Variants in ZNF98 observed in about 807,000 individuals in gnomAD.
ZNF98 encodes the protein zinc finger protein 739.
Under a neutral mutation model 12.8 loss-of-function variants are expected in ZNF98, and 8 were observed. That is an observed-to-expected ratio of 0.63 (90% CI 0.37 to 1.13). The LOEUF (loss-of-function observed/expected upper bound fraction) is 1.13, where lower values mean the gene tolerates loss of function less well. Ranked by LOEUF, ZNF98 falls within the 50% of genes most tolerant of loss-of-function variation. The pLI is 0.01. For synonymous variants in ZNF98, 112 were observed against 223.5 expected (o/e 0.50, Z 4.45); for missense variants, 379 against 666.1 (o/e 0.57, Z 4.74).
At chr19:22,418,683 A>T (rs912863597) in intron 1 of ZNF98, among the ~76,000 whole-genome samples, 1 of 152,198 alleles carries the variant, frequency 6.6e-6, no homozygotes, top group African/African-American at 2.4e-5. Context: ...GTTCGAGAGC[A>T]GCCTGGCCAA....
intron 1 of ZNF98, among the ~76,000 whole-genome samples, chr19:22,407,237 A>C (rs1180639337): frequency 6.6e-6 from 1 of 151,728 alleles, no homozygotes; most frequent in African/African-American, 2.4e-5. Context: ...TTCTACGTTT[A>C]GTAGAGATAG....
At chr19:22,407,084 T>A (rs897594391) in intron 1 of ZNF98, among the ~76,000 whole-genome samples, 15 of 151,578 alleles carry the variant, frequency 9.9e-5, no homozygotes, top group Non-Finnish European at 2.1e-4. Context: ...TTAGACAGAG[T>A]CTCACTCTGT....
intron 1 of ZNF98, among the ~76,000 whole-genome samples, chr19:22,413,794 G>A (rs560524895): frequency 3.3e-5 from 5 of 150,578 alleles, no homozygotes; most frequent in African/African-American, 4.9e-5. Flanking sequence ...GCTTGAACCC[G>A]GGAGGCAGAG....
chr19:22,416,971 T>C (rs1172086403), intron 1 of ZNF98, among the ~76,000 whole-genome samples: 1 of 152,100 alleles, frequency 6.6e-6, no homozygotes, highest in Non-Finnish European at 1.5e-5. Flanking sequence ...GGCTCACGCC[T>C]GTAATCCCAA....
intron 1 of ZNF98, among the ~76,000 whole-genome samples, chr19:22,417,639 G>A (rs1248270940): frequency 6.6e-6 from 1 of 152,090 alleles, no homozygotes; most frequent in Admixed American, 6.6e-5. Context: ...CTCAGTTGGT[G>A]GGGAAAACAG....
At chr19:22,398,410 A>C (rs1969420861) in intron 3 of ZNF98, among the ~76,000 whole-genome samples, 4 of 151,428 alleles carry the variant, frequency 2.6e-5, no homozygotes, top group Non-Finnish European at 2.9e-5. Flanking sequence ...TCTGTCACCC[A>C]AGCTGGGGTG....
chr19:22,398,613 C>A (rs752685606), intron 3 of ZNF98, among the ~76,000 whole-genome samples: 5 of 152,154 alleles, frequency 3.3e-5, no homozygotes, highest in South Asian at 2.1e-4. Flanking sequence ...CCTTGGCCTC[C>A]CAAAATCCGG....
intron 1 of ZNF98, among the ~76,000 whole-genome samples, chr19:22,405,979 T>G (rs1306301791): frequency 6.6e-6 from 1 of 152,140 alleles, no homozygotes; most frequent in Non-Finnish European, 1.5e-5. Flanking sequence ...TCCCTGGGCC[T>G]GAGTCCCTAA....
At chr19:22,417,197 C>A (rs1380810716) in intron 1 of ZNF98, among the ~76,000 whole-genome samples, 4 of 137,712 alleles carry the variant, frequency 2.9e-5, no homozygotes, top group Non-Finnish European at 4.5e-5. Context: ...CCATCGCACT[C>A]CAGCTTGGGC....
At chr19:22,393,211 C>T (rs1260205706) in intron 3 of ZNF98, among the ~76,000 whole-genome samples, 4 of 152,120 alleles carry the variant, frequency 2.6e-5, no homozygotes, top group Admixed American at 2.6e-4. Context: ...ATGCAAAGAG[C>T]CACACAGAAG....
At chr19:22,420,118 G>A (rs139671095) in intron 1 of ZNF98, among the ~76,000 whole-genome samples, 43 of 152,194 alleles carry the variant, frequency 2.8e-4, no homozygotes, top group African/African-American at 9.9e-4. Flanking sequence ...AACCAAGATC[G>A]CGCCACTGCA....
rs1969450924 is a variant in ZNF98 at position 22,401,076 on chromosome 19, C to G, written c.253+1713G>C. On this transcript the variant is annotated intron_variant, in intron 3 of 3. Transcript: ENST00000357774. ...CCCATTCTCAATGCTTCTATTTTAA[C>G]ACAGCACTGGAAGTATGTGGAATAA... is the stretch of plus-strand genomic sequence containing the variant. Among the ~76,000 whole-genome samples, 4 of 142,184 alleles carry G rather than the reference C, an allele frequency of 2.8e-5. No individual in the cohort carries two copies. The South Asian group carries it at 8.7e-4, about 31-fold the overall frequency. 93.3% of individuals were successfully genotyped at this position (142,184 alleles called of 152,430 possible).
Position 22,422,265 on chromosome 19 carries a change from C to G in ZNF98, c.-41G>C, listed in dbSNP as rs1376987393. 3 of 1,609,120 alleles carry G rather than the reference C, an allele frequency of 1.9e-6. No individual in the cohort carries two copies. The highest frequency in any genetic ancestry group is 1.1e-5 in the South Asian group (1 of 91,022). On this transcript the variant is annotated 5_prime_UTR_variant, in exon 1 of 4. Transcript: ENST00000357774. ...CCAATACCTGCAGGTCACAGGGCCA[C>G]AGAGGCTGGGCCTCTACGAGCAGAG...
chr19:22,414,657 G>A (rs1969619870), intron 1 of ZNF98, among the ~76,000 whole-genome samples: 1 of 152,104 alleles, frequency 6.6e-6, no homozygotes, highest in Non-Finnish European at 1.5e-5. Flanking sequence ...TTTAACAAAT[G>A]ATACTGGAAT....
intron 1 of ZNF98, among the ~76,000 whole-genome samples, chr19:22,413,326 C>T (rs1255861203): frequency 1.3e-5 from 2 of 151,980 alleles, no homozygotes; most frequent in Non-Finnish European, 2.9e-5. Context: ...GACATAATGC[C>T]GTACCTGAAA....
At chr19:22,419,521 G>C (rs1278858690) in intron 1 of ZNF98, among the ~76,000 whole-genome samples, 1 of 152,128 alleles carries the variant, frequency 6.6e-6, no homozygotes, top group African/African-American at 2.4e-5. Context: ...CTCATGCTTT[G>C]ATTTCCATTG....
At chr19:22,401,103 TAA>T (rs201737545) in intron 3 of ZNF98, among the ~76,000 whole-genome samples, 11 of 104,600 alleles carry the variant, frequency 1.1e-4, no homozygotes, top group African/African-American at 9.5e-5. Context: ...GTGGAATAAG[TAA>T]AAAAAAAAAA....
intron 1 of ZNF98, among the ~76,000 whole-genome samples, chr19:22,420,580 T>C (rs978801283): frequency 6.6e-6 from 1 of 152,046 alleles, no homozygotes; most frequent in East Asian, 1.9e-4. Flanking sequence ...ACCAAGAGAT[T>C]CCATCTTTTC....
chr19:22,399,238 T>C (rs1410037833), intron 3 of ZNF98, among the ~76,000 whole-genome samples: 1 of 152,222 alleles, frequency 6.6e-6, no homozygotes, highest in Non-Finnish European at 1.5e-5. Flanking sequence ...TGTGTACTCA[T>C]TGAAGGTGGC....
Sources: allele counts gnomAD v4.1 joint callset (sites outside exome capture counted in the v4.1 genomes callset), GRCh38; gene constraint gnomAD v4.1.1; transcripts MANE v1.5; gene names NCBI Gene and HGNC (gene_info 2026-07-23, HGNC 2026-07-21).